Variants in IGF2BP1 observed in about 807,000 individuals in gnomAD.
IGF2BP1 encodes insulin like growth factor 2 mRNA binding protein 1.
Under a neutral mutation model 74.9 loss-of-function variants are expected in IGF2BP1, and 11 were observed. The ratio of observed to expected loss-of-function variants is 0.15; its 90% confidence interval spans 0.09 to 0.24. IGF2BP1 has a LOEUF of 0.24. Ranked by LOEUF, IGF2BP1 falls within the 10% of genes least tolerant of loss-of-function variation. IGF2BP1 has a pLI of 1.00. For synonymous variants in IGF2BP1, 287 were observed against 281.8 expected, an observed-to-expected ratio of 1.02 and a Z score of -0.18; for missense variants, 440 against 757.4, an observed-to-expected ratio of 0.58 and a Z score of 4.92.
chr17:49,005,272 G>A (rs1482845882), intron 2 of IGF2BP1, among the ~76,000 whole-genome samples: 1 of 152,208 alleles, frequency 6.6e-6, no homozygotes, highest in Non-Finnish European at 1.5e-5. Flanking sequence ...GAAAAAACCT[G>A]ATTGCAACAC....
At chr17:49,030,282 C>G (rs1422475753) in intron 4 of IGF2BP1, among the ~76,000 whole-genome samples, 1 of 151,652 alleles carries the variant, frequency 6.6e-6, no homozygotes, top group Non-Finnish European at 1.5e-5. Context: ...GCTAGGATTA[C>G]AGGCATGCAC....
intron 2 of IGF2BP1, among the ~76,000 whole-genome samples, chr17:49,007,065 ACT>A (rs1023205760): frequency 4.6e-5 from 7 of 152,128 alleles, no homozygotes; most frequent in Admixed American, 1.3e-4. Flanking sequence ...AGGGGAACTA[ACT>A]CTGCATATAA....
intron 2 of IGF2BP1, among the ~76,000 whole-genome samples, chr17:49,000,168 T>G (rs1479223845): frequency 6.6e-6 from 1 of 152,108 alleles, no homozygotes; most frequent in Non-Finnish European, 1.5e-5. Flanking sequence ...GAGTTTGCTC[T>G]CATGTCCCAA....
Position 49,045,046 on chromosome 17 carries a change from C to A in IGF2BP1, c.1376C>A (p.Pro459Gln). The part of the protein sequence containing the change: ...SKVRMVIITG[P>Q]PEAQFKAQGR... The stretch of plus-strand genomic sequence containing the variant: ...GTTCGTATGGTTATCATCACTGGAC[C>A]GCCAGAGGCCCAATTCAAGGTTTTG... Residue 459 changes from proline to glutamine, a missense_variant, in exon 12 of 15, where the codon CCG becomes CAG. This residue lies in a region of IGF2BP1 where 117 missense variants were observed against 237.2 expected (regional missense o/e 0.49). Coordinates refer to ENST00000290341, the MANE Select transcript of IGF2BP1 (RefSeq NM_006546.4). The A allele has an allele frequency of 6.2e-7, 1 of 1,613,966 alleles. No homozygotes were observed. Among genetic ancestry groups the A allele is most frequent in the African/African-American group, 1.3e-5 (1 of 75,034 alleles).
chr17:49,037,221 C>G, intron 5 of IGF2BP1: 1 of 462,860 alleles, frequency 2.2e-6, no homozygotes, highest in South Asian at 2.0e-5. Flanking sequence ...TGAACAACTT[C>G]AAGATTTTAC....
chr17:49,011,557 G>C (rs1487114831), intron 2 of IGF2BP1, among the ~76,000 whole-genome samples: 5 of 151,994 alleles, frequency 3.3e-5, no homozygotes, highest in Admixed American at 6.6e-5. Context: ...TTCCAAAGTT[G>C]AGCTCTCTTA....
In IGF2BP1 at chr17:49,044,089, G is replaced by T; in HGVS notation, c.1320+3G>T. ...GGTTTGCCAGCGCCTCCATCAAGGTGATCTGCTCTGTGGGTCTTCCTGTTT... is the reference window on the plus strand; with the variant it reads ...GGTTTGCCAGCGCCTCCATCAAGGTTATCTGCTCTGTGGGTCTTCCTGTTT... On this transcript the variant is annotated splice_donor_region_variant and intron_variant, in intron 11 of 14. Coordinates refer to ENST00000290341, the MANE Select transcript of IGF2BP1 (RefSeq NM_006546.4). 1.2e-6 allele frequency: 2 copies of T among 1,613,948 alleles called. No individual in the cohort carries two copies. Among genetic ancestry groups the T allele is most frequent in the Non-Finnish European group, 1.7e-6 (2 of 1,179,930 alleles).
At chr17:49,031,725 C>T (rs1018390129) in intron 4 of IGF2BP1, among the ~76,000 whole-genome samples, 185 bp from the exon 5 acceptor site, 3 of 152,040 alleles carry the variant, frequency 2.0e-5, no homozygotes, top group Non-Finnish European at 4.4e-5. Flanking sequence ...CCAGGCTGGT[C>T]TCCTGGGCTC....
Position 49,043,500 on chromosome 17 carries a change from C to T in IGF2BP1, c.1150C>T (p.Pro384Ser). The T allele has an allele frequency of 6.2e-7, 1 of 1,614,122 alleles. No homozygotes were observed. Among genetic ancestry groups the T allele is most frequent in the Non-Finnish European group, 8.5e-7 (1 of 1,179,992 alleles). Residue 384 changes from proline to serine, a missense_variant, in exon 10 of 15, where the codon CCG becomes TCG. Transcript: ENST00000290341. Reference protein sequence around the residue: ...GLFPASSSAVPPPPSSVTGAA... With the variant: ...GLFPASSSAVSPPPSSVTGAA... ...TTTCCCAGCTTCATCCAGCGCAGTC[C>T]CGCCGCCTCCCAGCAGCGTTACTGG...
intron 9 of IGF2BP1, among the ~76,000 whole-genome samples, chr17:49,042,643 T>C (rs573658686): frequency 2.0e-5 from 3 of 152,290 alleles, no homozygotes; most frequent in East Asian, 1.9e-4. Flanking sequence ...GTGTGCACTT[T>C]ATTGAAATGA....
At chr17:49,014,843 G>C (rs895560020) in intron 2 of IGF2BP1, 20 of 985,392 alleles carry the variant, frequency 2.0e-5, no homozygotes, top group Non-Finnish European at 2.4e-5. Flanking sequence ...GCGGTGGGAA[G>C]CTGCCGAAGA....
intron 5 of IGF2BP1, among the ~76,000 whole-genome samples, chr17:49,033,644 C>A (rs1284676269): frequency 6.6e-6 from 1 of 151,782 alleles, no homozygotes; most frequent in African/African-American, 2.4e-5. Flanking sequence ...CACCCGGCTG[C>A]CTTATTAACA....
In IGF2BP1 at chr17:49,039,983, C is replaced by A. The variant is rs762174997; in HGVS notation, c.710C>A (p.Ala237Glu). 1 of 1,613,074 alleles carries A rather than the reference C, an allele frequency of 6.2e-7. No individual in the cohort carries two copies. The highest frequency in any genetic ancestry group is 8.5e-7 in the Non-Finnish European group (1 of 1,180,020). Residue 237 changes from alanine (A) to glutamate (E), a missense_variant, in exon 7 of 15, where the codon GCA (alanine) becomes GAA (glutamate). Ala to Glu is a moderately radical substitution (Grantham distance 107). Transcript: ENST00000290341. ...ATAGACGTGCATAGGAAGGAGAACG[C>A]AGGTGCAGCTGAAAAAGCCATCAGT... ...SKIDVHRKEN[A>E]GAAEKAISVH...
intron 2 of IGF2BP1, chr17:49,014,669 C>A: frequency 3.3e-6 from 2 of 608,060 alleles, no homozygotes; most frequent in Non-Finnish European, 4.1e-6. Context: ...TCATGGTTGG[C>A]AGCTAGGGGG....
intron 2 of IGF2BP1, among the ~76,000 whole-genome samples, chr17:49,008,584 C>CT (rs1444376415): frequency 1.3e-5 from 2 of 152,116 alleles, no homozygotes; most frequent in African/African-American, 4.8e-5. Context: ...CCCTTTCCCT[C>CT]TTGCTGGCCA....
At chr17:49,005,100 C>T (rs1174065131) in intron 2 of IGF2BP1, among the ~76,000 whole-genome samples, 1 of 152,180 alleles carries the variant, frequency 6.6e-6, no homozygotes, top group Non-Finnish European at 1.5e-5. Context: ...GCAGAGCCTG[C>T]TTTGTAAGAC....
At position 49,054,266 on chromosome 17, in the gene IGF2BP1, A is replaced by G. The variant is rs2144184801; in HGVS notation, c.*4822A>G. The G allele has an allele frequency of 6.6e-6, 1 of 152,618 alleles. No individual in the cohort carries two copies. Among genetic ancestry groups the G allele is most frequent in the East Asian group, 1.9e-4 (1 of 5,184 alleles). 9.5% of individuals were successfully genotyped at this position (152,618 alleles called of 1,614,324 possible). ...ATGGTTGACTCCGGATGGACAAAAGAAAAAAAATTTTTTTTCTTGAATGAA... is the reference window on the plus strand; with the variant it reads ...ATGGTTGACTCCGGATGGACAAAAGGAAAAAAATTTTTTTTCTTGAATGAA... On this transcript the variant is annotated 3_prime_UTR_variant, in exon 15 of 15. Transcript: ENST00000290341.
At chr17:49,011,400 A>G (rs919639544) in intron 2 of IGF2BP1, among the ~76,000 whole-genome samples, 1 of 152,126 alleles carries the variant, frequency 6.6e-6, no homozygotes, top group African/African-American at 2.4e-5. Flanking sequence ...GCATTTATTG[A>G]GTATCTGCTC....
chr17:48,998,169 C>G (rs1483701850), intron 1 of IGF2BP1, among the ~76,000 whole-genome samples: 6 of 152,176 alleles, frequency 3.9e-5, no homozygotes, highest in Non-Finnish European at 7.4e-5. Flanking sequence ...TGGCTTCCCC[C>G]ATCCTTCCTC....
Sources: allele counts gnomAD v4.1 joint callset (sites outside exome capture counted in the v4.1 genomes callset), GRCh38; gene constraint gnomAD v4.1.1; regional missense constraint gnomAD v4.1.1; transcripts MANE v1.5; gene names NCBI Gene and HGNC (gene_info 2026-07-23, HGNC 2026-07-21).